STXBP5L: variants seen among roughly 807,000 people sequenced by gnomAD.
The protein encoded by STXBP5L is syntaxin-binding protein 5-like.
STXBP5L carries 65 observed loss-of-function variants against 144.5 expected under a neutral mutation model. The observed-to-expected ratio is 0.45, with a 90% CI of 0.37 to 0.55. STXBP5L has a LOEUF of 0.55. STXBP5L is among the 20% of genes least tolerant of loss of function. The pLI is 0.00. For missense variants in STXBP5L, 1,298 were observed against 1,405.5 expected (o/e 0.92, Z 1.22); for synonymous variants, 505 against 469.6 (o/e 1.08, Z -0.97).
At chr3:121,329,580 G>T (rs1320205826) in intron 20 of STXBP5L, among the ~76,000 whole-genome samples, 2 of 152,164 alleles carry the variant, frequency 1.3e-5, no homozygotes, top group African/African-American at 4.8e-5. Flanking sequence ...ATGTAGTAGG[G>T]GTGGGACGGG....
intron 3 of STXBP5L, among the ~76,000 whole-genome samples, chr3:121,026,301 T>A (rs1176927361): frequency 6.6e-6 from 1 of 151,928 alleles, no homozygotes; most frequent in African/African-American, 2.4e-5. Flanking sequence ...TATTGCCTGG[T>A]TAAATCTTTT....
At chr3:121,266,915 A>G (rs1409599033) in intron 18 of STXBP5L, among the ~76,000 whole-genome samples, 6 of 152,192 alleles carry the variant, frequency 3.9e-5, no homozygotes, top group Admixed American at 3.9e-4. Flanking sequence ...AGGGATGTGA[A>G]GGACCTCTTC....
chr3:120,964,844 T>C (rs1257459305), intron 3 of STXBP5L, among the ~76,000 whole-genome samples: 1 of 152,186 alleles, frequency 6.6e-6, no homozygotes, highest in East Asian at 1.9e-4. Context: ...TTCTGTCTCA[T>C]TGATCTGTCT....
At chr3:120,957,836 A>G (rs539257990) in intron 3 of STXBP5L, among the ~76,000 whole-genome samples, 2 of 152,292 alleles carry the variant, frequency 1.3e-5, no homozygotes, top group East Asian at 3.9e-4. Flanking sequence ...CCTTAACATC[A>G]CAATTAAAAG....
At chr3:121,095,456 C>G (rs2043067005) in intron 5 of STXBP5L, among the ~76,000 whole-genome samples, 1 of 152,168 alleles carries the variant, frequency 6.6e-6, no homozygotes, top group South Asian at 2.1e-4. Flanking sequence ...TAAACATAGT[C>G]CCATATTTCT....
intron 19 of STXBP5L, among the ~76,000 whole-genome samples, chr3:121,283,782 T>C (rs925959587): frequency 2.0e-5 from 3 of 151,954 alleles, no homozygotes; most frequent in Non-Finnish European, 4.4e-5. Context: ...CATAAAGGAT[T>C]TCAGCCAAAA....
rs890153190 is a variant in STXBP5L at position 121,152,021 on chromosome 3, A to G, written c.670-456A>G. On this transcript the variant is annotated intron_variant, in intron 7 of 26. Coordinates refer to ENST00000471454, the MANE Select transcript of STXBP5L (RefSeq NM_001308330.2). ...TTATAATCTTCAGAGGGTTCATAAA[A>G]CATCAGTTTAAAATATTGAATTCGG... Among the ~76,000 whole-genome samples the G allele has an allele frequency of 3.3e-5, 5 of 152,176 alleles. No individual in the cohort carries two copies. In the South Asian group the frequency reaches 8.3e-4, roughly 25 times the overall value.
chr3:121,416,098 T>G, intron 25 of STXBP5L, 130 bp downstream of exon 25: 1 of 660,304 alleles, frequency 1.5e-6, no homozygotes, highest in East Asian at 2.9e-5. Context: ...GCATCTATCT[T>G]AAAGTTTGAA....
chr3:120,952,275 G>A (rs561410432), intron 2 of STXBP5L, among the ~76,000 whole-genome samples: 4 of 152,092 alleles, frequency 2.6e-5, no homozygotes, highest in East Asian at 1.9e-4. Flanking sequence ...ATATCAATTC[G>A]GAGAGTATTG....
At chr3:121,109,840 G>A (rs1249402299) in intron 5 of STXBP5L, among the ~76,000 whole-genome samples, 1 of 152,150 alleles carries the variant, frequency 6.6e-6, no homozygotes, top group Non-Finnish European at 1.5e-5. Context: ...TATTGTGGGA[G>A]TCTAAATCTT....
intron 5 of STXBP5L, among the ~76,000 whole-genome samples, chr3:121,048,945 C>G (rs1385053000): frequency 6.6e-6 from 1 of 152,090 alleles, no homozygotes; most frequent in Non-Finnish European, 1.5e-5. Context: ...GTATCGGTCC[C>G]CAACCACTAT....
intron 24 of STXBP5L, 51 bp downstream of exon 24, chr3:121,413,374 ATG>A: frequency 7.0e-7 from 1 of 1,438,562 alleles, no homozygotes; most frequent in Non-Finnish European, 9.2e-7. Context: ...GGTTGAGAGA[ATG>A]AGAAAGATGT....
intron 19 of STXBP5L, among the ~76,000 whole-genome samples, chr3:121,305,148 A>G (rs969542368): frequency 6.6e-6 from 1 of 152,172 alleles, no homozygotes; most frequent in Non-Finnish European, 1.5e-5. Context: ...AACCCATATC[A>G]TTAACATTTT....
chr3:121,304,866 G>T (rs554603297), intron 19 of STXBP5L, among the ~76,000 whole-genome samples: 6 of 151,698 alleles, frequency 4.0e-5, no homozygotes, highest in African/African-American at 1.2e-4. Flanking sequence ...AAAAATGAAC[G>T]AAATAGAGGT....
At chr3:121,205,247 G>A (rs2048293032) in intron 9 of STXBP5L, among the ~76,000 whole-genome samples, 1 of 152,156 alleles carries the variant, frequency 6.6e-6, no homozygotes. Flanking sequence ...TCTGGAGGCT[G>A]TAAAGGCCAA....
chr3:120,977,205 C>G (rs907429268), intron 3 of STXBP5L, among the ~76,000 whole-genome samples: 1 of 152,180 alleles, frequency 6.6e-6, no homozygotes, highest in African/African-American at 2.4e-5. Context: ...TCAGTAAGGA[C>G]TTGCTTCATG....
intron 5 of STXBP5L, among the ~76,000 whole-genome samples, chr3:121,050,532 G>T (rs532500660): frequency 6.6e-6 from 1 of 152,026 alleles, no homozygotes; most frequent in African/African-American, 2.4e-5. Flanking sequence ...ACAAGCAAAT[G>T]CTGAGAGATT....
intron 3 of STXBP5L, among the ~76,000 whole-genome samples, chr3:121,019,040 G>A (rs1002619635): frequency 6.6e-6 from 1 of 152,184 alleles, no homozygotes; most frequent in Non-Finnish European, 1.5e-5. Flanking sequence ...GGCACAGTGG[G>A]AGTGAAACTG....
At chr3:121,153,675 C>T (rs1281591649) in intron 8 of STXBP5L, among the ~76,000 whole-genome samples, 1 of 151,788 alleles carries the variant, frequency 6.6e-6, no homozygotes, top group Non-Finnish European at 1.5e-5. Flanking sequence ...TCACCTATTT[C>T]ATAAGCTGCA....
Sources: allele counts gnomAD v4.1 joint callset (sites outside exome capture counted in the v4.1 genomes callset), GRCh38; gene constraint gnomAD v4.1.1; transcripts MANE v1.5; gene names NCBI Gene and HGNC (gene_info 2026-07-23, HGNC 2026-07-21).